FSAF1: variants seen among roughly 807,000 people sequenced by gnomAD.
FSAF1 encodes 40S small subunit processome assembly factor 1.
At chr1:231,238,267 C>G in the FSAF1 span, 1 of 152,238 alleles carries the variant, frequency 6.6e-6, no homozygotes, top group Non-Finnish European at 1.5e-5. Flanking sequence ...CAAGCTCACT[C>G]TGAAAAAGAT....
the FSAF1 span, chr1:231,225,921 A>G: frequency 1.1e-5 from 2 of 186,834 alleles, no homozygotes; most frequent in African/African-American, 4.8e-5. Flanking sequence ...GGTGAAAGGT[A>G]GAAAGTGTAA....
the FSAF1 span, among the ~76,000 whole-genome samples, chr1:231,240,694 T>A: frequency 6.6e-6 from 1 of 151,976 alleles, no homozygotes; most frequent in African/African-American, 2.4e-5. This position sits in a 1 kb window ranked among gnomAD's most constrained non-coding sequence, Gnocchi z 4.1. Context: ...GGGGGTGGCA[T>A]GGGGAAAGGG....
At chr1:231,230,894 C>T in the FSAF1 span, among the ~76,000 whole-genome samples, 1,197 of 152,226 alleles carry the variant, frequency 7.9e-3, 10 homozygotes, top group Non-Finnish European at 0.011. Flanking sequence ...CAAGGCTTAC[C>T]CAACGCTCTT....
the FSAF1 span, chr1:231,225,682 A>G: frequency 1.4e-6 from 1 of 690,176 alleles, no homozygotes; most frequent in Non-Finnish European, 2.5e-6. Flanking sequence ...TTACCCTAAA[A>G]CCCTTTCAAG....
chr1:231,237,790 T>G, the FSAF1 span: 1 of 152,232 alleles, frequency 6.6e-6, no homozygotes, highest in Non-Finnish European at 1.5e-5. Flanking sequence ...CACTTCTTTG[T>G]TGATAGACAA....
chr1:231,228,544 A>C, the FSAF1 span, among the ~76,000 whole-genome samples: 1 of 148,836 alleles, frequency 6.7e-6, no homozygotes, highest in Non-Finnish European at 1.5e-5. Flanking sequence ...GGCTGCAGTG[A>C]GCCAAGATCC....
the FSAF1 span, chr1:231,238,987 G>A: frequency 6.2e-7 from 1 of 1,614,098 alleles, no homozygotes. Context: ...CTCTGGTCCT[G>A]TGGGGGTCCC....
At chr1:231,233,687 G>C in the FSAF1 span, among the ~76,000 whole-genome samples, 1 of 152,116 alleles carries the variant, frequency 6.6e-6, no homozygotes, top group African/African-American at 2.4e-5. Context: ...TGAGTAGCTG[G>C]AACTACAGGC....
the FSAF1 span, chr1:231,224,678 TCC>T: frequency 2.4e-6 from 1 of 419,648 alleles, no homozygotes; most frequent in South Asian, 5.5e-5. Context: ...AGTTCTCAGC[TCC>T]GATGTCACCT....
At chr1:231,224,375 A>G in the FSAF1 span, 1 of 1,612,738 alleles carries the variant, frequency 6.2e-7, no homozygotes, top group Non-Finnish European at 8.5e-7. Flanking sequence ...CAATCCGTCC[A>G]TTTGACAAAA....
chr1:231,234,792 T>C, the FSAF1 span, among the ~76,000 whole-genome samples: 3 of 152,324 alleles, frequency 2.0e-5, no homozygotes, highest in South Asian at 2.1e-4. This position sits in a 1 kb window ranked among gnomAD's most constrained non-coding sequence, Gnocchi z 4.0. Context: ...CTAGTCTTGC[T>C]AGACTTCTTC....
the FSAF1 span, chr1:231,238,953 G>C: frequency 6.2e-7 from 1 of 1,614,144 alleles, no homozygotes; most frequent in East Asian, 2.2e-5. Flanking sequence ...TTAGGGAAGA[G>C]GGAGGAACTG....
chr1:231,232,534 T>C, the FSAF1 span, among the ~76,000 whole-genome samples: 1 of 152,204 alleles, frequency 6.6e-6, no homozygotes, highest in Non-Finnish European at 1.5e-5. Flanking sequence ...CCGATGGCCA[T>C]GTAACATGAG....
chr1:231,229,241 G>C, the FSAF1 span: 2 of 1,411,330 alleles, frequency 1.4e-6, no homozygotes, highest in Non-Finnish European at 2.0e-6. Context: ...TAGATCATCT[G>C]TTACTATATC....
the FSAF1 span, among the ~76,000 whole-genome samples, chr1:231,232,923 T>C: frequency 1.3e-5 from 2 of 152,216 alleles, no homozygotes; most frequent in Non-Finnish European, 2.9e-5. Flanking sequence ...CTTTTAAAAA[T>C]GCAGACGGCT....
chr1:231,227,433 A>T, the FSAF1 span, among the ~76,000 whole-genome samples: 95 of 151,682 alleles, frequency 6.3e-4, no homozygotes, highest in Non-Finnish European at 1.1e-3. Context: ...CACCACACCC[A>T]GCTAATTCTT....
the FSAF1 span, among the ~76,000 whole-genome samples, chr1:231,227,515 TCCTCCCA>T: frequency 6.6e-6 from 1 of 151,214 alleles, no homozygotes; most frequent in South Asian, 2.1e-4. Flanking sequence ...GCTCAAGTGA[TCCTCCCA>T]CCTCAGCCTC....
chr1:231,229,212 G>T, the FSAF1 span: 1 of 1,566,322 alleles, frequency 6.4e-7, no homozygotes. Context: ...TTAGCCTGCT[G>T]AGAGAAAAAA....
the FSAF1 span, chr1:231,224,410 A>G: frequency 6.2e-7 from 1 of 1,602,360 alleles, no homozygotes; most frequent in Non-Finnish European, 8.5e-7. Context: ...TTCTTTTTGG[A>G]TTTCCTACAT....
Sources: allele counts gnomAD v4.1 joint callset (sites outside exome capture counted in the v4.1 genomes callset), GRCh38; gene constraint gnomAD v4.1.1; non-coding constraint Gnocchi (gnomAD v3.1); transcripts MANE v1.5; gene names NCBI Gene and HGNC (gene_info 2026-07-23, HGNC 2026-07-21).